Variants in FBLN1 observed in about 807,000 individuals in gnomAD.
The protein encoded by FBLN1 is fibulin-1.
A neutral mutation model predicts 89.7 loss-of-function variants in FBLN1; 34 were observed. That is an observed-to-expected ratio of 0.38 (90% CI 0.29 to 0.50). The LOEUF (loss-of-function observed/expected upper bound fraction) is 0.50, where lower values mean the gene tolerates loss of function less well. Among genes scored for constraint, FBLN1 ranks in the 20% least tolerant of loss-of-function variants. The probability of loss-of-function intolerance (pLI) is 0.92; values close to 1 mark genes in which losing one functional copy is unlikely to be tolerated. For missense variants in FBLN1, 777 were observed against 988.1 expected (o/e 0.79, Z 2.86); for synonymous variants, 393 against 391.3 (o/e 1.00, Z -0.05).
intron 16 of FBLN1, among the ~76,000 whole-genome samples, chr22:45,593,420 A>G (rs1229654600): frequency 6.6e-6 from 1 of 152,180 alleles, no homozygotes; most frequent in African/African-American, 2.4e-5. Context: ...ACATTTTTCA[A>G]CAGGGAGAAA....
chr22:45,583,155 A>G lies in FBLN1; in HGVS notation c.1972+6047A>G, dbSNP rs1246319134. 6.6e-6 allele frequency among the ~76,000 whole-genome samples: 1 copy of G among 152,168 alleles called. No individual in the cohort carries two copies. The highest frequency in any genetic ancestry group is 1.5e-5 in the Non-Finnish European group (1 of 68,018). On this transcript the variant is annotated intron_variant, in intron 16 of 16. Transcript: ENST00000327858. This position sits in a 1 kb window ranked among gnomAD's most constrained non-coding sequence, Gnocchi z 4.5. ...AAAGGAAGTGCTGGCCCAGGGTCCC[A>G]CAGCCAGCAAGTTGGAGCTGCACTG...
chr22:45,527,998 T>A lies in FBLN1; in HGVS notation c.473T>A (p.Leu158His). The A allele has an allele frequency of 6.2e-7, 1 of 1,614,202 alleles. No homozygotes were observed. The highest frequency in any genetic ancestry group is 8.5e-7 in the Non-Finnish European group (1 of 1,180,034). The part of the protein sequence containing the change: ...QETGDLDVGG[L>H]QETDKIIEVE... ...ACCGGAGATTTGGATGTCGGGGGCCTCCAAGAAACGGGTAACTTTCCCCCT... is the reference window on the plus strand; with the variant it reads ...ACCGGAGATTTGGATGTCGGGGGCCACCAAGAAACGGGTAACTTTCCCCCT... The change falls in exon 4 of 17, where the codon CTC becomes CAC. Residue 158 changes from leucine (L) to histidine (H), a missense_variant. Leu to His is a moderately conservative substitution (Grantham distance 99, BLOSUM62 -3). Coordinates refer to ENST00000327858, the MANE Select transcript of FBLN1 (RefSeq NM_006486.3).
At chr22:45,525,514 C>A in intron 2 of FBLN1, 29 bp from the exon 3 acceptor site, 9 of 1,548,484 alleles carry the variant, frequency 5.8e-6, no homozygotes, top group Admixed American at 2.0e-5. Flanking sequence ...GCGCACAGAG[C>A]CTTGGCCCAG....
rs150411245 is a variant in FBLN1, at chr22:45,580,726, C to T, written c.1972+3618C>T. On this transcript the variant is annotated intron_variant, in intron 16 of 16. Coordinates refer to ENST00000327858, the MANE Select transcript of FBLN1 (RefSeq NM_006486.3). This position sits in a 1 kb window ranked among gnomAD's most constrained non-coding sequence, Gnocchi z 8.6. Reference sequence around the variant, plus strand: ...GCTAAGTTGCTGTGAGTTTGGATGTCCCAGAAAAACAATCAGCGCACAGGC... The same window carrying T: ...GCTAAGTTGCTGTGAGTTTGGATGTTCCAGAAAAACAATCAGCGCACAGGC... 1.1e-4 allele frequency among the ~76,000 whole-genome samples: 17 copies of T among 152,226 alleles called. No homozygotes were observed. In the East Asian group the frequency reaches 1.7e-3, roughly 16 times the overall value.
Position 45,542,260 on chromosome 22 carries a change from ACGGCAT to A in FBLN1, c.1174_1179del (p.Gly392_Ile393del). On this transcript the variant is annotated inframe_deletion, in exon 10 of 17. Coordinates refer to ENST00000327858, the MANE Select transcript of FBLN1 (RefSeq NM_006486.3). ...GAATGCAAGACGGGTTACTATTTTG[ACGGCAT>A]CAGCAGGATGTGTGTCGGTGCGTGG... The A allele has an allele frequency of 6.2e-7, 1 of 1,613,922 alleles. No individual in the cohort carries two copies.
At chr22:45,570,319 C>CAA (rs761469854) in intron 14 of FBLN1, among the ~76,000 whole-genome samples, 762 of 36,386 alleles carry the variant, frequency 0.021, 58 homozygotes, top group African/African-American at 0.054. Flanking sequence ...GACTCTGTCT[C>CAA]AAAAAAAAAA....
chr22:45,566,871 G>C (rs536107184), intron 14 of FBLN1, among the ~76,000 whole-genome samples: 4 of 152,262 alleles, frequency 2.6e-5, no homozygotes, highest in Non-Finnish European at 4.4e-5. Flanking sequence ...CAGCAATAAG[G>C]GTGATTTTTA....
chr22:45,530,165 G>A lies in FBLN1; in HGVS notation c.485-1100G>A, dbSNP rs766370785. Among the ~76,000 whole-genome samples the A allele has an allele frequency of 3.3e-5, 5 of 151,994 alleles. No individual in the cohort carries two copies. The East Asian group carries it at 5.8e-4, about 18-fold the overall frequency. On this transcript the variant is annotated intron_variant, in intron 4 of 16. Coordinates refer to ENST00000327858, the MANE Select transcript of FBLN1 (RefSeq NM_006486.3). This position sits in a 1 kb window ranked among gnomAD's most constrained non-coding sequence, Gnocchi z 5.4. The stretch of plus-strand genomic sequence containing the variant: ...ACAGTCATCAAGAGGGATTGGGGCC[G>A]CATTCTGCCTCATTCCTTGGCTTTT...
intron 2 of FBLN1, chr22:45,522,959 G>A (rs141513091): frequency 4.3e-5 from 21 of 493,654 alleles, no homozygotes; most frequent in South Asian, 9.0e-5. Flanking sequence ...TCGTGGAGGC[G>A]GCATTCTATA....
chr22:45,503,450 C>G (rs1410270756), intron 1 of FBLN1: 1 of 158,542 alleles, frequency 6.3e-6, no homozygotes, highest in Non-Finnish European at 1.4e-5. Context: ...TGGAAGCGCC[C>G]TCGGCTATCT....
At position 45,557,422 on chromosome 22, in the gene FBLN1, A is replaced by G. The variant is rs2088802830; in HGVS notation, c.1697+6807A>G. 6.6e-6 allele frequency among the ~76,000 whole-genome samples: 1 copy of G among 152,182 alleles called. No homozygotes were observed. The highest frequency in any genetic ancestry group is 1.5e-5 in the Non-Finnish European group (1 of 68,034). ...TGATCACCCCGAGGCATGGTGCCAC[A>G]TCGAGGGCTCAGTGTTGGTCTCTGC... On this transcript the variant is annotated intron_variant, in intron 14 of 16. Coordinates refer to ENST00000327858, the MANE Select transcript of FBLN1 (RefSeq NM_006486.3). This position sits in a 1 kb window ranked among gnomAD's most constrained non-coding sequence, Gnocchi z 4.9.
At chr22:45,551,611 T>C (rs1474555434) in intron 14 of FBLN1, among the ~76,000 whole-genome samples, 1 of 152,236 alleles carries the variant, frequency 6.6e-6, no homozygotes, top group Non-Finnish European at 1.5e-5. Context: ...AGCACGGATT[T>C]CTGTCTGCTT....
chr22:45,568,118 A>C (rs567463804), intron 14 of FBLN1, among the ~76,000 whole-genome samples: 155 of 152,348 alleles, frequency 1.0e-3, no homozygotes, highest in African/African-American at 3.5e-3. Flanking sequence ...AGGTCCGGGT[A>C]AATGTGGAAG....
Position 45,578,984 on chromosome 22 carries a change from G to GA in FBLN1, c.1972+1879dup. 6.6e-6 allele frequency among the ~76,000 whole-genome samples: 1 copy of GA among 152,346 alleles called. No individual in the cohort carries two copies. The highest frequency in any genetic ancestry group is 2.1e-4 in the South Asian group (1 of 4,820). On this transcript the variant is annotated intron_variant, in intron 16 of 16. Transcript: ENST00000327858. This position sits in a 1 kb window ranked among gnomAD's most constrained non-coding sequence, Gnocchi z 4.6. ...TATCAGATCATCAAAATATGATGCC[G>GA]AAATAGGCATGCACAGAGACAGGCC...
rs2089060506 is a variant in FBLN1 at position 45,583,667 on chromosome 22, A to T, written c.1972+6559A>T. ...GGTTTTGGTGTGCCAGTCAGGTGAG[A>T]CGCAGAGAAGACAGCACAATCAACA... On this transcript the variant is annotated intron_variant, in intron 16 of 16. Coordinates refer to ENST00000327858, the MANE Select transcript of FBLN1 (RefSeq NM_006486.3). The surrounding 1 kb of genome is among the most constrained non-coding windows in gnomAD (Gnocchi z 4.5). 6.6e-6 allele frequency among the ~76,000 whole-genome samples: 1 copy of T among 152,168 alleles called. No individual in the cohort carries two copies. The highest frequency in any genetic ancestry group is 1.5e-5 in the Non-Finnish European group (1 of 68,044).
rs1383243629 is a variant in FBLN1 at position 45,537,898 on chromosome 22, C to A, written c.922+2561C>A. ...AGGATAGTCCTGCTCAGACTTGCAGCCTGCTCAAAGGGGGGTCCGGAGGAG... is the reference window on the plus strand; with the variant it reads ...AGGATAGTCCTGCTCAGACTTGCAGACTGCTCAAAGGGGGGTCCGGAGGAG... On this transcript the variant is annotated intron_variant, in intron 8 of 16. Transcript: ENST00000327858. This position sits in a 1 kb window ranked among gnomAD's most constrained non-coding sequence, Gnocchi z 5.7. 6.6e-6 allele frequency among the ~76,000 whole-genome samples: 1 copy of A among 152,204 alleles called. No individual in the cohort carries two copies. Among genetic ancestry groups the A allele is most frequent in the Non-Finnish European group, 1.5e-5 (1 of 68,028 alleles).
chr22:45,523,258 C>T, intron 2 of FBLN1: 2 of 713,198 alleles, frequency 2.8e-6, no homozygotes, highest in South Asian at 1.6e-5. Context: ...AACGGCCAGT[C>T]CCAGGGAGGA....
chr22:45,592,059 G>C (rs1168368930), intron 16 of FBLN1, among the ~76,000 whole-genome samples: 1 of 152,192 alleles, frequency 6.6e-6, no homozygotes, highest in Non-Finnish European at 1.5e-5. Flanking sequence ...GGGAAGATCT[G>C]GGCTCTGAGG....
chr22:45,585,106 T>C (rs1402033375), intron 16 of FBLN1, among the ~76,000 whole-genome samples: 4 of 152,024 alleles, frequency 2.6e-5, no homozygotes, highest in Non-Finnish European at 5.9e-5. Context: ...TCCCAGTTCA[T>C]GTCTGAGAGA....
Sources: allele counts gnomAD v4.1 joint callset (sites outside exome capture counted in the v4.1 genomes callset), GRCh38; gene constraint gnomAD v4.1.1; non-coding constraint Gnocchi (gnomAD v3.1); transcripts MANE v1.5; gene names NCBI Gene and HGNC (gene_info 2026-07-23, HGNC 2026-07-21).